GADL1: variants seen among roughly 807,000 people sequenced by gnomAD.
The protein encoded by GADL1 is GAD like acidic amino acid decarboxylase 1.
A neutral mutation model predicts 69.5 loss-of-function variants in GADL1; 71 were observed. The ratio of observed to expected loss-of-function variants is 1.02; its 90% CI spans 0.84 to 1.25. GADL1 has a LOEUF of 1.25. Ranked by LOEUF, GADL1 falls within the 50% of genes most tolerant of loss-of-function variation. The probability of loss-of-function intolerance (pLI) is 0.00; values close to 1 mark genes in which losing one functional copy is unlikely to be tolerated. For synonymous variants in GADL1, 254 were observed against 214.4 expected, an observed-to-expected ratio of 1.18 and a Z score of -1.62; for missense variants, 737 against 631.8, an observed-to-expected ratio of 1.17 and a Z score of -1.79.
At chr3:30,745,011 T>C (rs1179080788) in intron 14 of GADL1, among the ~76,000 whole-genome samples, 1 of 152,222 alleles carries the variant, frequency 6.6e-6, no homozygotes, top group African/African-American at 2.4e-5. Flanking sequence ...TTAAAAGCTA[T>C]CCAGGAGCCA....
intron 11 of GADL1, among the ~76,000 whole-genome samples, chr3:30,832,105 GAGAT>G (rs1353562610): frequency 6.6e-6 from 1 of 151,756 alleles, no homozygotes; most frequent in Non-Finnish European, 1.5e-5. Context: ...AGGTACAAAA[GAGAT>G]AGAAAACTGC....
At chr3:30,866,741 C>T (rs539137834) in intron 1 of GADL1, among the ~76,000 whole-genome samples, 1 of 152,102 alleles carries the variant, frequency 6.6e-6, no homozygotes, top group East Asian at 2.0e-4. Flanking sequence ...GCTTCCTAGA[C>T]CTTCTGCCTT....
intron 12 of GADL1, chr3:30,800,671 C>A: frequency 1.8e-6 from 1 of 564,310 alleles, no homozygotes; most frequent in Non-Finnish European, 3.2e-6. Flanking sequence ...TAGGACTGCT[C>A]TGTTCATAAT....
At chr3:30,856,975 G>A (rs748395335) in intron 3 of GADL1, 40 bp downstream of exon 3, 13 of 1,513,252 alleles carry the variant, frequency 8.6e-6, no homozygotes, top group Non-Finnish European at 1.2e-5. Flanking sequence ...ATAAGAACTT[G>A]TCAGAGGTAC....
intron 11 of GADL1, among the ~76,000 whole-genome samples, chr3:30,812,891 T>A (rs112925697): frequency 4.0e-5 from 6 of 151,392 alleles, no homozygotes; most frequent in African/African-American, 1.5e-4. Flanking sequence ...AGAAGAGAGA[T>A]AGAAGTGAGG....
intron 1 of GADL1, among the ~76,000 whole-genome samples, chr3:30,892,186 A>G (rs1355376628): frequency 6.6e-6 from 1 of 152,258 alleles, no homozygotes; most frequent in Non-Finnish European, 1.5e-5. Context: ...CAGCAAGATC[A>G]TAAAAGATAT....
At chr3:30,740,789 A>T (rs2125472753) in intron 14 of GADL1, among the ~76,000 whole-genome samples, 1 of 150,836 alleles carries the variant, frequency 6.6e-6, no homozygotes, top group East Asian at 1.9e-4. Flanking sequence ...AATTTAGAAA[A>T]ACCCTTTATT....
At chr3:30,768,637 G>C (rs1696345447) in intron 14 of GADL1, among the ~76,000 whole-genome samples, 1 of 152,028 alleles carries the variant, frequency 6.6e-6, no homozygotes, top group Non-Finnish European at 1.5e-5. Context: ...GAGGCACAAA[G>C]AAGCCTCAAA....
chr3:30,878,919 G>A (rs1474420738), intron 1 of GADL1, among the ~76,000 whole-genome samples: 5 of 151,804 alleles, frequency 3.3e-5, no homozygotes, highest in South Asian at 2.1e-4. Flanking sequence ...TAAACAGTTC[G>A]TTTAGGCAAT....
At chr3:30,734,159 G>A (rs2125469846) in intron 14 of GADL1, among the ~76,000 whole-genome samples, 1 of 152,282 alleles carries the variant, frequency 6.6e-6, no homozygotes, top group South Asian at 2.1e-4. Flanking sequence ...GGTTGCCAGT[G>A]AATTTAAGGT....
At chr3:30,815,784 G>A (rs529823576) in intron 11 of GADL1, among the ~76,000 whole-genome samples, 2 of 152,056 alleles carry the variant, frequency 1.3e-5, no homozygotes, top group African/African-American at 2.4e-5. Flanking sequence ...ACACTGTTAC[G>A]GCTTTACAAT....
intron 14 of GADL1, among the ~76,000 whole-genome samples, chr3:30,775,847 A>G (rs1441024435): frequency 6.6e-6 from 1 of 152,192 alleles, no homozygotes; most frequent in Admixed American, 6.5e-5. Context: ...CTGTAATCCC[A>G]ACAATTTGGG....
In GADL1 at chr3:30,776,641, T is replaced by TA. The variant is rs1221239481; in HGVS notation, c.1392+1537dup. ...CAGGTTAGGAGGTTTGAGCCATGAA[T>TA]AAACAGAAAATGACCTGAAGCTAAA... On this transcript the variant is annotated intron_variant, in intron 14 of 14. Transcript: ENST00000282538. Among the ~76,000 whole-genome samples, 5 of 152,306 alleles carry TA rather than the reference T, an allele frequency of 3.3e-5. No individual in the cohort carries two copies. In the South Asian group the frequency reaches 1.0e-3, roughly 32 times the overall value.
chr3:30,754,532 C>T (rs552714275), intron 14 of GADL1, among the ~76,000 whole-genome samples: 166 of 152,174 alleles, frequency 1.1e-3, no homozygotes, highest in African/African-American at 3.9e-3. Flanking sequence ...CAAATTCTAC[C>T]GCTAAGCTGA....
At chr3:30,807,053 G>A (rs1267173590) in intron 11 of GADL1, among the ~76,000 whole-genome samples, 2 of 152,084 alleles carry the variant, frequency 1.3e-5, no homozygotes, top group African/African-American at 4.8e-5. Flanking sequence ...TTTTCTCATT[G>A]GCCTAATGAA....
intron 11 of GADL1, among the ~76,000 whole-genome samples, chr3:30,826,433 A>G (rs977442281): frequency 6.0e-5 from 9 of 149,948 alleles, no homozygotes; most frequent in African/African-American, 2.2e-4. Context: ...GAAGGGCATT[A>G]GAGAGATATC....
At chr3:30,827,407 G>T (rs934478492) in intron 11 of GADL1, among the ~76,000 whole-genome samples, 1 of 151,812 alleles carries the variant, frequency 6.6e-6, no homozygotes, top group African/African-American at 2.4e-5. Context: ...AATCTCTTGG[G>T]GCCACAGTCA....
chr3:30,751,440 T>G (rs539685908), intron 14 of GADL1, among the ~76,000 whole-genome samples: 17 of 148,834 alleles, frequency 1.1e-4, no homozygotes, highest in Non-Finnish European at 2.2e-4. Context: ...TTTCATTGCT[T>G]CTTTTATTCC....
intron 14 of GADL1, among the ~76,000 whole-genome samples, chr3:30,768,074 T>C (rs1417414992): frequency 1.4e-5 from 2 of 146,960 alleles, no homozygotes; most frequent in Admixed American, 6.9e-5. Flanking sequence ...CAATGTTAGT[T>C]AGATTGAAGC....
Sources: gnomAD v4.1 joint callset for allele counts (sites outside exome capture counted in the v4.1 genomes callset) on GRCh38, gnomAD v4.1.1 for gene constraint, MANE v1.5 for transcripts, NCBI Gene and HGNC (gene_info 2026-07-23, HGNC 2026-07-21) for gene names.